The following IMPG2 variants were observed in gnomAD, a reference collection of about 807,000 sequenced individuals.
IMPG2 encodes the protein IPM 200.
IMPG2 carries 91 observed loss-of-function variants against 129.2 expected under a neutral mutation model. The observed-to-expected ratio is 0.70, with a 90% CI of 0.59 to 0.84. IMPG2 has a LOEUF of 0.84. IMPG2 is among the 40% of genes least tolerant of loss of function. The probability of loss-of-function intolerance (pLI) is 0.00; values close to 1 mark genes in which losing one functional copy is unlikely to be tolerated. For synonymous variants in IMPG2, 510 were observed against 517.7 expected (o/e 0.99, Z 0.20); for missense variants, 1,430 against 1,461.7 (o/e 0.98, Z 0.35).
chr3:101,236,267 T>A (rs1257289254), intron 14 of IMPG2, among the ~76,000 whole-genome samples: 5 of 152,194 alleles, frequency 3.3e-5, no homozygotes, highest in African/African-American at 1.2e-4. Flanking sequence ...GGAACATAGA[T>A]GCAGGTTTTA....
At chr3:101,269,114 G>A (rs558844496) in intron 8 of IMPG2, among the ~76,000 whole-genome samples, 2 of 152,220 alleles carry the variant, frequency 1.3e-5, no homozygotes, top group African/African-American at 2.4e-5. Flanking sequence ...TTAAAACAAG[G>A]ACTAATGCAT....
rs201778066 is a variant in IMPG2, at chr3:101,245,040, G to GTT, written c.1544-255_1544-254dup. Among the ~76,000 whole-genome samples the GTT allele has an allele frequency of 5.5e-5, 8 of 146,354 alleles. No homozygotes were observed. The South Asian group carries it at 8.6e-4, about 16-fold the overall frequency. On this transcript the variant is annotated intron_variant, in intron 12 of 18. Transcript: ENST00000193391. ...CTATTGAAATAATCTTCAAACACTTGTTTTTTTTTTTAATTCCACGAAAAT... is the reference window on the plus strand; with the variant it reads ...CTATTGAAATAATCTTCAAACACTTGTTTTTTTTTTTTTAATTCCACGAAAAT...
At chr3:101,278,867 ATGACATCTGGACAAGTTATTTT>A (rs1706864899) in intron 4 of IMPG2, among the ~76,000 whole-genome samples, 1 of 152,214 alleles carries the variant, frequency 6.6e-6, no homozygotes, top group Non-Finnish European at 1.5e-5. Context: ...CTAAAGGGAT[ATGACATCTGGACAAGTTATTTT>A]GATGAGCAGA....
intron 10 of IMPG2, among the ~76,000 whole-genome samples, chr3:101,256,205 G>GAA (rs1223114036): frequency 2.7e-5 from 4 of 146,034 alleles, no homozygotes; most frequent in African/African-American, 1.0e-4. Flanking sequence ...AAGAAAGAAA[G>GAA]AAAGAAAGAA....
intron 4 of IMPG2, among the ~76,000 whole-genome samples, chr3:101,285,706 C>T (rs1165131410): frequency 1.3e-5 from 2 of 151,996 alleles, no homozygotes; most frequent in African/African-American, 2.4e-5. Flanking sequence ...GAAGTTAGTG[C>T]CTTTGAATTT....
At chr3:101,280,995 A>G (rs16843634) in intron 4 of IMPG2, among the ~76,000 whole-genome samples, 19,420 of 152,016 alleles carry the variant, frequency 0.13, 1,304 homozygotes, top group Middle Eastern at 0.17. Context: ...GGTATTCTCA[A>G]CTACAATTCT....
At chr3:101,251,822 G>A (rs1359099404) in intron 11 of IMPG2, among the ~76,000 whole-genome samples, 1 of 151,890 alleles carries the variant, frequency 6.6e-6, no homozygotes, top group African/African-American at 2.4e-5. Context: ...AATAAGATCT[G>A]GGGGGAAAAA....
intron 18 of IMPG2, 123 bp downstream of exon 18, chr3:101,228,673 GT>G: frequency 1.3e-6 from 1 of 768,032 alleles, no homozygotes; most frequent in Non-Finnish European, 2.3e-6. Context: ...CTCAACAAAT[GT>G]TGGTTATCAC....
intron 8 of IMPG2, among the ~76,000 whole-genome samples, chr3:101,269,182 G>A (rs1290131969): frequency 7.3e-6 from 1 of 137,630 alleles, no homozygotes; most frequent in Non-Finnish European, 1.6e-5. Context: ...CAAGCTTTAG[G>A]AAAACACTGG....
At chr3:101,297,546 A>G (rs549957465) in intron 3 of IMPG2, among the ~76,000 whole-genome samples, 109 of 152,198 alleles carry the variant, frequency 7.2e-4, no homozygotes, top group African/African-American at 2.3e-3. Flanking sequence ...AGTGCTATAA[A>G]TTTCCCTCTT....
intron 14 of IMPG2, 125 bp from the exon 15 acceptor site, chr3:101,233,116 ACACCAT>A: frequency 1.2e-6 from 1 of 817,590 alleles, no homozygotes; most frequent in African/African-American, 1.7e-5. Flanking sequence ...CCATTAAAGT[ACACCAT>A]CGCCACCAAT....
intron 14 of IMPG2, among the ~76,000 whole-genome samples, chr3:101,235,353 AG>A (rs1706334994): frequency 1.3e-5 from 2 of 152,372 alleles, no homozygotes; most frequent in Admixed American, 1.3e-4. Flanking sequence ...GTGCTCAAAA[AG>A]TTTCAGACTG....
chr3:101,229,312 C>CCCCCCCCCCA, intron 17 of IMPG2, 68 bp downstream of exon 17: 1 of 914,346 alleles, frequency 1.1e-6, no homozygotes. Context: ...CCCCACCCAC[C>CCCCCCCCCCA]ACCCCCTGCT....
chr3:101,299,648 G>A (rs1371323500), intron 3 of IMPG2, among the ~76,000 whole-genome samples: 7 of 152,224 alleles, frequency 4.6e-5, no homozygotes, highest in Non-Finnish European at 2.9e-5. Context: ...CAATGGTCAG[G>A]TCCCTCTTCT....
intron 12 of IMPG2, among the ~76,000 whole-genome samples, chr3:101,245,018 T>C (rs1162348844): frequency 6.6e-5 from 10 of 151,848 alleles, no homozygotes; most frequent in Admixed American, 4.6e-4. Flanking sequence ...ACCTTGACTA[T>C]TGAAATAATC....
At chr3:101,254,412 A>T (rs1210777075) in intron 10 of IMPG2, among the ~76,000 whole-genome samples, 1 of 152,146 alleles carries the variant, frequency 6.6e-6, no homozygotes, top group East Asian at 1.9e-4. Flanking sequence ...AGAGAAATAA[A>T]CACAAATTAC....
Position 101,256,193 on chromosome 3 carries a change from G to GAAAGAAAGAAAGAAAGAAAGAAAGA in IMPG2, c.1153+1311_1153+1335dup, listed in dbSNP as rs1559646411. On this transcript the variant is annotated intron_variant, in intron 10 of 18. Coordinates refer to ENST00000193391, the MANE Select transcript of IMPG2 (RefSeq NM_016247.4). ...AGAAAGAAAGAAAGAAAGAAAGAAA[G>GAAAGAAAGAAAGAAAGAAAGAAAGA]AAAGAAAGAAAGAAAGAAAGAAAGA... Among the ~76,000 whole-genome samples, 89 of 148,284 alleles carry GAAAGAAAGAAAGAAAGAAAGAAAGA rather than the reference G, an allele frequency of 6.0e-4. 1 individual carries two copies. The highest frequency in any genetic ancestry group is 2.1e-3 in the African/African-American group (83 of 39,768).
intron 2 of IMPG2, among the ~76,000 whole-genome samples, chr3:101,309,149 AG>A (rs1707235243): frequency 6.6e-6 from 1 of 152,206 alleles, no homozygotes; most frequent in Admixed American, 6.5e-5. Context: ...ACAAGTATCT[AG>A]GAAGTTCTGA....
At chr3:101,319,558 G>A (rs202222448) in intron 2 of IMPG2, 26 bp downstream of exon 2, 2 of 1,611,944 alleles carry the variant, frequency 1.2e-6, no homozygotes, top group Non-Finnish European at 1.7e-6. Flanking sequence ...TCATTATGGA[G>A]CTGAAGGATT....
Sources: gnomAD v4.1 joint callset for allele counts (sites outside exome capture counted in the v4.1 genomes callset) on GRCh38, gnomAD v4.1.1 for gene constraint, MANE v1.5 for transcripts, NCBI Gene and HGNC (gene_info 2026-07-23, HGNC 2026-07-21) for gene names.